PTPN11: variants seen among roughly 807,000 people sequenced by gnomAD.
PTPN11 encodes tyrosine-protein phosphatase non-receptor type 11.
A neutral mutation model predicts 78.8 loss-of-function variants in PTPN11; 6 were observed. The observed-to-expected ratio is 0.08, with a 90% CI of 0.04 to 0.15. The LOEUF (loss-of-function observed/expected upper bound fraction) is 0.15, where lower values mean the gene tolerates loss of function less well. PTPN11 is among the 10% of genes least tolerant of loss of function. The pLI is 1.00. For missense variants in PTPN11, 386 were observed against 744.8 expected, an observed-to-expected ratio of 0.52 and a Z score of 5.61; for synonymous variants, 221 against 263.5, an observed-to-expected ratio of 0.84 and a Z score of 1.56.
intron 6 of PTPN11, among the ~76,000 whole-genome samples, chr12:112,462,128 A>AG (rs2038257140): frequency 6.6e-6 from 1 of 152,176 alleles, no homozygotes; most frequent in Non-Finnish European, 1.5e-5. Flanking sequence ...GAGGACAAGA[A>AG]GGGAGGATCG....
chr12:112,488,554 T>G, intron 12 of PTPN11, 44 bp downstream of exon 12: 1 of 1,541,538 alleles, frequency 6.5e-7, no homozygotes, highest in Non-Finnish European at 9.0e-7. Flanking sequence ...CTGTTTTTAG[T>G]TTATGGAAGG....
chr12:112,444,423 C>T (rs1432147119), intron 1 of PTPN11, among the ~76,000 whole-genome samples: 5 of 151,884 alleles, frequency 3.3e-5, no homozygotes, highest in African/African-American at 9.7e-5. Flanking sequence ...CTCACTGCAA[C>T]CTCCGCCTCC....
At chr12:112,447,398 G>A (rs976027095) in intron 2 of PTPN11, among the ~76,000 whole-genome samples, 2 of 152,074 alleles carry the variant, frequency 1.3e-5, no homozygotes, top group African/African-American at 4.8e-5. Flanking sequence ...ACAATATAAA[G>A]TTGGTTTGTG....
At chr12:112,483,483 C>T (rs1007396321) in intron 10 of PTPN11, among the ~76,000 whole-genome samples, 14 of 152,192 alleles carry the variant, frequency 9.2e-5, no homozygotes, top group African/African-American at 2.7e-4. Flanking sequence ...CGTGAGCCAG[C>T]GCACCCGGCC....
chr12:112,480,021 G>T (rs147192963), intron 9 of PTPN11, among the ~76,000 whole-genome samples: 41 of 152,276 alleles, frequency 2.7e-4, no homozygotes, highest in African/African-American at 9.4e-4. Flanking sequence ...TGATTCCTGG[G>T]CTCTATTTTA....
At chr12:112,420,448 C>CCTA (rs960751280) in intron 1 of PTPN11, among the ~76,000 whole-genome samples, 1 of 151,884 alleles carries the variant, frequency 6.6e-6, no homozygotes, top group African/African-American at 2.4e-5. Context: ...TAGGTTCAAG[C>CCTA]GATTCTCCTG....
chr12:112,465,080 T>C (rs2038305348), intron 6 of PTPN11, among the ~76,000 whole-genome samples: 1 of 152,210 alleles, frequency 6.6e-6, no homozygotes, highest in African/African-American at 2.4e-5. Context: ...TGTGTGTTAT[T>C]GTACACTTGA....
chr12:112,445,992 GT>G (rs2135855911), intron 1 of PTPN11, among the ~76,000 whole-genome samples: 1 of 152,202 alleles, frequency 6.6e-6, no homozygotes, highest in South Asian at 2.1e-4. Flanking sequence ...CACGTGGTCT[GT>G]TTTCTTGGGC....
intron 9 of PTPN11, among the ~76,000 whole-genome samples, chr12:112,479,633 G>A (rs990350655): frequency 9.9e-5 from 15 of 152,202 alleles, no homozygotes; most frequent in African/African-American, 3.6e-4. Flanking sequence ...CTTCAGGCAA[G>A]GGTTTTTTGC....
intron 13 of PTPN11, among the ~76,000 whole-genome samples, chr12:112,494,172 TG>T (rs2038787317): frequency 1.3e-5 from 2 of 152,210 alleles, no homozygotes; most frequent in South Asian, 4.1e-4. Flanking sequence ...GAGGATCGCT[TG>T]AACCCGGGAG....
At chr12:112,443,827 A>G (rs1160657445) in intron 1 of PTPN11, among the ~76,000 whole-genome samples, 1 of 149,330 alleles carries the variant, frequency 6.7e-6, no homozygotes, top group Non-Finnish European at 1.5e-5. Flanking sequence ...TAATTTTTAT[A>G]TTTTTTTGTA....
chr12:112,479,849 A>G (rs1298592120), intron 9 of PTPN11, among the ~76,000 whole-genome samples: 1 of 151,880 alleles, frequency 6.6e-6, no homozygotes, highest in African/African-American at 2.4e-5. Flanking sequence ...ACCCCTCACC[A>G]CCATGTCCTA....
chr12:112,419,728 G>A (rs2037491645), intron 1 of PTPN11, among the ~76,000 whole-genome samples: 1 of 152,110 alleles, frequency 6.6e-6, no homozygotes, highest in Admixed American at 6.6e-5. Context: ...CTTCCTCTGC[G>A]ATCTTCGCTT....
In PTPN11 at chr12:112,433,094, C is replaced by T. The variant is rs181699192; in HGVS notation, c.15-13182C>T. Reference sequence around the variant, plus strand: ...CAGGCTGGTCTTGAACTCCTGACCTCAAGTGATCCGCCTGCCTCAGCCTCC... The same window carrying T: ...CAGGCTGGTCTTGAACTCCTGACCTTAAGTGATCCGCCTGCCTCAGCCTCC... On this transcript the variant is annotated intron_variant, in intron 1 of 15. Coordinates refer to ENST00000351677, the MANE Select transcript of PTPN11 (RefSeq NM_002834.5). 6.6e-5 allele frequency among the ~76,000 whole-genome samples: 10 copies of T among 152,256 alleles called. No homozygotes were observed. In the East Asian group the frequency reaches 1.9e-3, roughly 29 times the overall value.
chr12:112,442,830 T>TTATATATATATATATATA (rs71086107), intron 1 of PTPN11, among the ~76,000 whole-genome samples: 7 of 43,532 alleles, frequency 1.6e-4, no homozygotes, highest in Non-Finnish European at 3.6e-4. Context: ...CTCTCTCTTT[T>TTATATATATATATATATA]TATATATATA....
Position 112,509,468 on chromosome 12 carries a change from C to G in PTPN11, c.*3676C>G. 6.6e-6 allele frequency: 1 copy of G among 152,398 alleles called. No homozygotes were observed. The highest frequency in any genetic ancestry group is 1.9e-4 in the East Asian group (1 of 5,182). The allele number at this position is 152,398 out of a possible 1,614,324, so 9.4% of individuals were successfully genotyped here. A position where few individuals can be genotyped will look rare whatever the true frequency, so the allele number is the denominator to read the frequency against. On this transcript the variant is annotated 3_prime_UTR_variant, in exon 16 of 16. Transcript: ENST00000351677. ...AATAAAAGCTAATGGGAAAAGGATC[C>G]CTGATTAAGCTGATGACTAGACCTA...
chr12:112,461,959 A>G (rs1048024674), intron 6 of PTPN11, among the ~76,000 whole-genome samples: 2 of 152,180 alleles, frequency 1.3e-5, no homozygotes, highest in African/African-American at 4.8e-5. Flanking sequence ...ATCCCACATT[A>G]CACACAACAA....
intron 1 of PTPN11, among the ~76,000 whole-genome samples, chr12:112,423,133 G>T (rs1446901557): frequency 6.6e-6 from 1 of 152,176 alleles, no homozygotes; most frequent in Non-Finnish European, 1.5e-5. Context: ...AGGACTTTGT[G>T]CCTTGAGCAA....
Position 112,504,648 on chromosome 12 carries a change from C to T in PTPN11, c.1713-47C>T, listed in dbSNP as rs761523526. ...ATAGATATCATGTAAGCTTAAACAGCGTGGTCTACATTTTTGTAAATGTCT... is the reference window on the plus strand; with the variant it reads ...ATAGATATCATGTAAGCTTAAACAGTGTGGTCTACATTTTTGTAAATGTCT... On this transcript the variant is annotated intron_variant, in intron 14 of 15. Transcript: ENST00000351677. The surrounding 1 kb of genome is among the most constrained non-coding windows in gnomAD (Gnocchi z 4.7). 17 of 1,353,918 alleles carry T rather than the reference C, an allele frequency of 1.3e-5. No homozygotes were observed. Among genetic ancestry groups the T allele is most frequent in the South Asian group, 1.2e-4 (10 of 82,816 alleles). The allele number at this position is 1,353,918 out of a possible 1,614,324, so 83.9% of individuals were successfully genotyped here.
Sources: allele counts gnomAD v4.1 joint callset (sites outside exome capture counted in the v4.1 genomes callset), GRCh38; gene constraint gnomAD v4.1.1; non-coding constraint Gnocchi (gnomAD v3.1); transcripts MANE v1.5; gene names NCBI Gene and HGNC (gene_info 2026-07-23, HGNC 2026-07-21).